Variants in NIN observed in about 807,000 individuals in gnomAD.
NIN encodes the protein ninein, also known as glycogen synthase kinase 3 beta-interacting protein.
Under a neutral mutation model 257.6 loss-of-function variants are expected in NIN, and 137 were observed. That is an observed-to-expected ratio of 0.53 (90% CI 0.46 to 0.61). The LOEUF (loss-of-function observed/expected upper bound fraction) is 0.61. Among genes scored for constraint, NIN ranks in the 20% least tolerant of loss-of-function variants. The pLI is 0.00. For synonymous variants in NIN, 918 were observed against 919.8 expected (o/e 1.00, Z 0.04); for missense variants, 2,439 against 2,501.2 (o/e 0.98, Z 0.53).
Position 50,799,320 on chromosome 14 carries a change from C to T in NIN, c.266-6439G>A, listed in dbSNP as rs563101143. Reference sequence around the variant, plus strand: ...TCTAGCAGCTCTGCCCAGGGAGCTCCAGCCACACTCTGGTCCTTCCACCGG... The same window carrying T: ...TCTAGCAGCTCTGCCCAGGGAGCTCTAGCCACACTCTGGTCCTTCCACCGG... On this transcript the variant is annotated intron_variant, in intron 4 of 30. Transcript: ENST00000530997. Among the ~76,000 whole-genome samples the T allele has an allele frequency of 2.6e-5, 4 of 152,280 alleles. No homozygotes were observed. In the East Asian group the frequency reaches 7.7e-4, roughly 29 times the overall value.
At chr14:50,727,264 A>G (rs2040454709) in intron 29 of NIN, 3 of 973,558 alleles carry the variant, frequency 3.1e-6, no homozygotes, top group Non-Finnish European at 3.7e-6. Flanking sequence ...TGTTTCATCA[A>G]AAATTTCCTG....
In NIN at chr14:50,735,658, A is replaced by G. The variant is rs1031015897; in HGVS notation, c.5776-41T>C. 4.4e-6 allele frequency: 7 copies of G among 1,576,578 alleles called. No individual in the cohort carries two copies. In the Admixed American group the frequency reaches 7.3e-5, roughly 16 times the overall value. On this transcript the variant is annotated intron_variant, in intron 27 of 30. Transcript: ENST00000530997. ...AAAATATTCCCTTGAAACAGAAACA[A>G]AAACACTTGAGTTGTTCTACTTTAT...
intron 5 of NIN, 97 bp downstream of exon 5, chr14:50,792,615 C>T (rs749761808): frequency 5.1e-5 from 67 of 1,301,376 alleles, no homozygotes; most frequent in Middle Eastern, 5.0e-4. Context: ...AAGCCCACAT[C>T]GTGCCATCAA....
In NIN at chr14:50,760,437, C is replaced by CTT. The variant is rs35995624; in HGVS notation, c.1897-80_1897-79dup. The CTT allele has an allele frequency of 1.9e-3, 802 of 424,868 alleles. 1 individual carries two copies. The highest frequency in any genetic ancestry group is 6.4e-3 in the African/African-American group (223 of 35,006). 26.3% of individuals were successfully genotyped at this position (424,868 alleles called of 1,614,324 possible). A position where few individuals can be genotyped will look rare whatever the true frequency, so the allele number is the denominator to read the frequency against. ...AAGTGAAGTGATGGAGCAGCAATTG[C>CTT]TTTTTTTTTTTTTTTTTTTTTCCCT... On this transcript the variant is annotated intron_variant, in intron 16 of 30. Transcript: ENST00000530997.
chr14:50,743,003 G>C (rs552456708), intron 24 of NIN, among the ~76,000 whole-genome samples: 1 of 152,002 alleles, frequency 6.6e-6, no homozygotes, highest in South Asian at 2.1e-4. Flanking sequence ...TCGCTCTGTC[G>C]TGCAGGCTGA....
At chr14:50,784,184 G>A (rs2043248851) in intron 5 of NIN, among the ~76,000 whole-genome samples, 1 of 152,166 alleles carries the variant, frequency 6.6e-6, no homozygotes, top group South Asian at 2.1e-4. Flanking sequence ...CACTTTCTGT[G>A]ACCCCTCAGT....
At chr14:50,737,484 T>C (rs1284536402) in intron 27 of NIN, among the ~76,000 whole-genome samples, 1 of 123,878 alleles carries the variant, frequency 8.1e-6, no homozygotes, top group Admixed American at 8.3e-5. Flanking sequence ...TTGTTTTAAT[T>C]TGTTACATAG....
chr14:50,743,363 G>C (rs1236133481), intron 24 of NIN, 53 bp downstream of exon 24: 1 of 1,131,906 alleles, frequency 8.8e-7, no homozygotes, highest in Non-Finnish European at 1.3e-6. Context: ...ATTTCTGTTG[G>C]AAGATCTAGG....
intron 22 of NIN, among the ~76,000 whole-genome samples, chr14:50,745,223 T>G (rs1041775258): frequency 6.6e-6 from 1 of 152,162 alleles, no homozygotes; most frequent in Non-Finnish European, 1.5e-5. Flanking sequence ...CGCGGGGCAT[T>G]CTGGACACTG....
Position 50,741,707 on chromosome 14 carries a change from CG to C in NIN, c.5322del (p.Val1775CysfsTer4), listed in dbSNP as rs756031802. The C allele has an allele frequency of 3.7e-6, 6 of 1,613,618 alleles. No individual in the cohort carries two copies. The highest frequency in any genetic ancestry group is 1.3e-5 in the African/African-American group (1 of 74,904). The part of the protein sequence containing the change: ...SQEKVQNLED[T>X]VQNVNLQMSR... ...GACATTTGCAGGTTTACATTCTGCACGGTGTCTTCTAAATTCTGAACCTGTA... is the reference window on the plus strand; with the variant it reads ...GACATTTGCAGGTTTACATTCTGCACGTGTCTTCTAAATTCTGAACCTGTA... On this transcript the variant is annotated frameshift_variant, in exon 25 of 31. Coordinates refer to ENST00000530997, the MANE Select transcript of NIN (RefSeq NM_020921.4). LOFTEE classifies it high-confidence loss of function.
intron 22 of NIN, among the ~76,000 whole-genome samples, chr14:50,745,762 T>C (rs1183737738): frequency 1.3e-5 from 2 of 152,206 alleles, no homozygotes; most frequent in Non-Finnish European, 2.9e-5. Flanking sequence ...TTTGGATGTC[T>C]GTAAACTGGC....
chr14:50,810,345 G>A (rs1260852700), intron 3 of NIN, among the ~76,000 whole-genome samples: 1 of 152,062 alleles, frequency 6.6e-6, no homozygotes, highest in African/African-American at 2.4e-5. Context: ...CTGCAGATTG[G>A]AAGCAGGAAA....
chr14:50,789,583 CAAAACAA>C (rs1716897568), intron 5 of NIN, among the ~76,000 whole-genome samples: 1 of 152,004 alleles, frequency 6.6e-6, no homozygotes, highest in South Asian at 2.1e-4. Flanking sequence ...GAAAACAAAA[CAAAACAA>C]AACAAACAAA....
At chr14:50,807,564 C>A (rs775399424) in intron 3 of NIN, among the ~76,000 whole-genome samples, 1 of 152,174 alleles carries the variant, frequency 6.6e-6, no homozygotes, top group Non-Finnish European at 1.5e-5. Flanking sequence ...GATTTCTTCT[C>A]ATCACAATTC....
At chr14:50,725,099 C>T (rs1288443567) in intron 30 of NIN, among the ~76,000 whole-genome samples, 1 of 152,172 alleles carries the variant, frequency 6.6e-6, no homozygotes. Flanking sequence ...TAAATGCTCA[C>T]TGAATGGGAC....
chr14:50,776,489 C>T (rs1390111274), intron 7 of NIN, among the ~76,000 whole-genome samples: 1 of 152,140 alleles, frequency 6.6e-6, no homozygotes, highest in Non-Finnish European at 1.5e-5. Flanking sequence ...CTATATATTG[C>T]TCAATCTGCT....
upstream of NIN, among the ~76,000 whole-genome samples, chr14:50,831,457 CCCGCACCGCGGACACTCGGG>C (rs2045708553): frequency 6.6e-6 from 1 of 152,264 alleles, no homozygotes; most frequent in Non-Finnish European, 1.5e-5. Context: ...CCTACACTCA[CCCGCACCGCGGACACTCGGG>C]CCGCAGCGTC....
intron 20 of NIN, among the ~76,000 whole-genome samples, chr14:50,754,245 C>T (rs1030104326): frequency 2.0e-5 from 3 of 152,196 alleles, no homozygotes; most frequent in Non-Finnish European, 4.4e-5. Context: ...GAAGGGCTAA[C>T]ATTAACTGAA....
chr14:50,719,894 T>C lies in NIN; in HGVS notation c.*3569A>G, dbSNP rs956043743. On this transcript the variant is annotated 3_prime_UTR_variant, in exon 31 of 31. Transcript: ENST00000530997. ...AGGATAGAATGGCTAAGATGAAATA[T>C]ACAAAGCTGATATAAACACAGAACT... The C allele has an allele frequency of 1.9e-5, 4 of 207,986 alleles. No individual in the cohort carries two copies. The highest frequency in any genetic ancestry group is 9.1e-5 in the African/African-American group (4 of 43,916). 12.9% of individuals were successfully genotyped at this position (207,986 alleles called of 1,614,324 possible). A position where few individuals can be genotyped will look rare whatever the true frequency, so the allele number is the denominator to read the frequency against.
Sources: gnomAD v4.1 joint callset for allele counts (sites outside exome capture counted in the v4.1 genomes callset) on GRCh38, gnomAD v4.1.1 for gene constraint, MANE v1.5 for transcripts, NCBI Gene and HGNC (gene_info 2026-07-23, HGNC 2026-07-21) for gene names.